GPHN: variants seen among roughly 807,000 people sequenced by gnomAD.
GPHN encodes the protein gephyrin.
A neutral mutation model predicts 95.5 loss-of-function variants in GPHN; 17 were observed. The ratio of observed to expected loss-of-function variants is 0.18; its 90% CI spans 0.12 to 0.27. The LOEUF (loss-of-function observed/expected upper bound fraction) is 0.27, where lower values mean the gene tolerates loss of function less well. Ranked by LOEUF, GPHN falls within the 10% of genes least tolerant of loss-of-function variation. The pLI, the probability that GPHN is intolerant of heterozygous loss-of-function variation, is 1.00. For synonymous variants in GPHN, 320 were observed against 322.5 expected, an observed-to-expected ratio of 0.99 and a Z score of 0.08; for missense variants, 660 against 978.1, an observed-to-expected ratio of 0.67 and a Z score of 4.34.
rs375844697 is a variant in GPHN at position 66,767,441 on chromosome 14, GAAAA to G, written c.144-9009_144-9006del. On this transcript the variant is annotated intron_variant, in intron 2 of 22. Coordinates refer to ENST00000478722, the MANE Select transcript of GPHN (RefSeq NM_020806.5). ...CTATTGCAGACTCGCTTTTTGAACAGAAAAAAAAAAAAAAAAAGAAAAGAGGGAA... is the reference window on the plus strand; with the variant it reads ...CTATTGCAGACTCGCTTTTTGAACAGAAAAAAAAAAAAAGAAAAGAGGGAA... Among the ~76,000 whole-genome samples the G allele has an allele frequency of 2.7e-3, 266 of 96,902 alleles. 1 individual carries two copies. Among genetic ancestry groups the G allele is most frequent in the Admixed American group, 7.8e-3 (81 of 10,378 alleles). 63.6% of individuals were successfully genotyped at this position (96,902 alleles called of 152,430 possible).
chr14:66,670,887 TAAGA>T (rs1364813959), intron 1 of GPHN, among the ~76,000 whole-genome samples: 2 of 152,218 alleles, frequency 1.3e-5, no homozygotes, highest in Non-Finnish European at 2.9e-5. Context: ...TAGGTACTTA[TAAGA>T]AAGAAAACAA....
intron 10 of GPHN, among the ~76,000 whole-genome samples, chr14:67,040,768 G>T (rs2074659881): frequency 1.3e-5 from 2 of 151,980 alleles, no homozygotes; most frequent in African/African-American, 4.8e-5. Flanking sequence ...TTATACATTT[G>T]GTCAGGAATA....
Position 66,665,545 on chromosome 14 carries a change from A to G in GPHN, c.65-15562A>G, listed in dbSNP as rs145749345. On this transcript the variant is annotated intron_variant, in intron 1 of 22. Transcript: ENST00000478722. The stretch of plus-strand genomic sequence containing the variant: ...CAGAGAAATGCAAATCAAAACCACA[A>G]TGAGATACCATCTCACACCAGTTAG... Among the ~76,000 whole-genome samples, 1,402 of 152,280 alleles carry G rather than the reference A, an allele frequency of 9.2e-3. 22 individuals are homozygous for G. Among genetic ancestry groups the G allele is most frequent in the East Asian group, 0.057 (296 of 5,182 alleles).
intron 1 of GPHN, among the ~76,000 whole-genome samples, chr14:66,608,442 T>G (rs1432763397): frequency 6.6e-6 from 1 of 152,106 alleles, no homozygotes; most frequent in Non-Finnish European, 1.5e-5. Context: ...CTTATGCAGA[T>G]GAGAGAAATG....
the GPHN span, among the ~76,000 whole-genome samples, chr14:67,369,528 C>T: frequency 1.3e-5 from 2 of 152,146 alleles, no homozygotes; most frequent in East Asian, 3.8e-4. Flanking sequence ...ACATTATTTT[C>T]AAGTGTGCAT....
At chr14:67,347,603 G>A in the GPHN span, 39 of 643,868 alleles carry the variant, frequency 6.1e-5, no homozygotes, top group Non-Finnish European at 9.5e-5. Flanking sequence ...CCAGGTTCAA[G>A]CAATTCTCCT....
At chr14:66,681,573 A>C (rs191356894) in intron 2 of GPHN, among the ~76,000 whole-genome samples, 1 of 152,102 alleles carries the variant, frequency 6.6e-6, no homozygotes, top group African/African-American at 2.4e-5. Context: ...AGAAATATAA[A>C]GTAGTTATTT....
intron 9 of GPHN, among the ~76,000 whole-genome samples, chr14:67,009,079 TA>T (rs1223853161): frequency 2.0e-5 from 3 of 152,234 alleles, no homozygotes; most frequent in Non-Finnish European, 4.4e-5. Context: ...TCCTACACTT[TA>T]TTTTTTCTTG....
At chr14:66,931,688 C>T (rs1193555470) in intron 8 of GPHN, among the ~76,000 whole-genome samples, 1 of 152,106 alleles carries the variant, frequency 6.6e-6, no homozygotes, top group African/African-American at 2.4e-5. Flanking sequence ...GTTTTCAGCT[C>T]CAGAATTTCT....
the GPHN span, among the ~76,000 whole-genome samples, chr14:67,220,754 C>T: frequency 1.6e-4 from 24 of 152,226 alleles, 1 homozygote; most frequent in South Asian, 4.8e-3. Flanking sequence ...TTCTCAGTCT[C>T]GCTTAACCTT....
At chr14:67,459,453 T>C in the GPHN span, among the ~76,000 whole-genome samples, 1 of 152,246 alleles carries the variant, frequency 6.6e-6, no homozygotes, top group Non-Finnish European at 1.5e-5. Flanking sequence ...ATTTCATTTC[T>C]GGCACCTTCT....
the GPHN span, among the ~76,000 whole-genome samples, chr14:67,212,589 GA>G: frequency 0.096 from 9,629 of 100,262 alleles, 731 homozygotes; most frequent in African/African-American, 0.25. Flanking sequence ...AGACCCTGTT[GA>G]AAAAAAAAAT....
the GPHN span, among the ~76,000 whole-genome samples, chr14:67,465,020 T>C: frequency 6.6e-6 from 1 of 152,242 alleles, no homozygotes; most frequent in Non-Finnish European, 1.5e-5. Flanking sequence ...CAGGAATCTG[T>C]CTTGCTCCCT....
intron 4 of GPHN, among the ~76,000 whole-genome samples, chr14:66,843,364 G>C (rs1171356423): frequency 6.6e-6 from 1 of 152,124 alleles, no homozygotes; most frequent in Non-Finnish European, 1.5e-5. Flanking sequence ...CCCAATCTAT[G>C]CCTGTAACAC....
the GPHN span, among the ~76,000 whole-genome samples, chr14:67,349,978 A>G: frequency 6.6e-6 from 1 of 152,220 alleles, no homozygotes; most frequent in Non-Finnish European, 1.5e-5. Flanking sequence ...TCTGCCCCTA[A>G]TTAGCCAAGT....
intron 1 of GPHN, among the ~76,000 whole-genome samples, chr14:66,581,176 A>T (rs971320066): frequency 2.6e-5 from 4 of 151,584 alleles, no homozygotes; most frequent in South Asian, 4.2e-4. Context: ...TAAAGGTCAT[A>T]TATGATAGGC....
At chr14:67,494,239 T>A in the GPHN span, among the ~76,000 whole-genome samples, 1 of 152,214 alleles carries the variant, frequency 6.6e-6, no homozygotes, top group Admixed American at 6.5e-5. Flanking sequence ...TCATTAACCA[T>A]GTAATTAGAC....
the GPHN span, among the ~76,000 whole-genome samples, chr14:67,421,582 C>G: frequency 6.6e-6 from 1 of 152,272 alleles, no homozygotes; most frequent in South Asian, 2.1e-4. Flanking sequence ...CTACCACCAT[C>G]GCTCAGAAAT....
rs143500637 is a variant in GPHN at position 66,616,461 on chromosome 14, A to G, written c.65-64646A>G. Among the ~76,000 whole-genome samples the G allele has an allele frequency of 2.3e-3, 352 of 151,328 alleles. 5 individuals are homozygous for G. The East Asian group carries it at 0.024, about 10-fold the overall frequency. Reference sequence around the variant, plus strand: ...TGTTGTTGTTGTTGTTTCAGTTGTCAGGTCCCTCTTCTGTAGGGCCACTGC... The same window carrying G: ...TGTTGTTGTTGTTGTTTCAGTTGTCGGGTCCCTCTTCTGTAGGGCCACTGC... On this transcript the variant is annotated intron_variant, in intron 1 of 22. Coordinates refer to ENST00000478722, the MANE Select transcript of GPHN (RefSeq NM_020806.5).
Sources: gnomAD v4.1 joint callset for allele counts (sites outside exome capture counted in the v4.1 genomes callset) on GRCh38, gnomAD v4.1.1 for gene constraint, MANE v1.5 for transcripts, NCBI Gene and HGNC (gene_info 2026-07-23, HGNC 2026-07-21) for gene names.